SEMA3A: variants seen among roughly 807,000 people sequenced by gnomAD.
SEMA3A encodes the protein semaphorin 3A.
A neutral mutation model predicts 97.9 loss-of-function variants in SEMA3A; 29 were observed. The ratio of observed to expected loss-of-function variants is 0.30; its 90% CI spans 0.22 to 0.40. The LOEUF (loss-of-function observed/expected upper bound fraction) is 0.40. Ranked by LOEUF, SEMA3A falls within the 10% of genes least tolerant of loss-of-function variation. SEMA3A has a pLI of 1.00. For missense variants in SEMA3A, 763 were observed against 951.3 expected, an observed-to-expected ratio of 0.80 and a Z score of 2.60; for synonymous variants, 321 against 323.7, an observed-to-expected ratio of 0.99 and a Z score of 0.09.
At chr7:84,248,777 A>G (rs1038513333) in intron 3 of SEMA3A, among the ~76,000 whole-genome samples, 3 of 150,310 alleles carry the variant, frequency 2.0e-5, no homozygotes, top group Non-Finnish European at 4.4e-5. Context: ...AAAATTACGC[A>G]GTAAGTTTTA....
intron 2 of SEMA3A, among the ~76,000 whole-genome samples, chr7:84,318,731 C>G (rs1293905971): frequency 1.3e-5 from 2 of 152,120 alleles, no homozygotes; most frequent in African/African-American, 4.8e-5. Context: ...TTTTCAACAG[C>G]CACTCTTATC....
At chr7:84,443,742 C>G (rs1170284241) in intron 1 of SEMA3A, among the ~76,000 whole-genome samples, 1 of 152,168 alleles carries the variant, frequency 6.6e-6, no homozygotes, top group Non-Finnish European at 1.5e-5. Context: ...TACAGATGTT[C>G]TCTGGCCTTC....
intron 15 of SEMA3A, among the ~76,000 whole-genome samples, chr7:83,968,804 CTTTTTTTTTT>C (rs34837012): frequency 2.3e-5 from 2 of 86,984 alleles, no homozygotes; most frequent in African/African-American, 5.0e-5. Flanking sequence ...CTTTTCTTTC[CTTTTTTTTTT>C]TTTTTTTTTT....
intron 1 of SEMA3A, among the ~76,000 whole-genome samples, chr7:84,467,669 C>A (rs1359177105): frequency 6.6e-6 from 1 of 151,942 alleles, no homozygotes; most frequent in East Asian, 1.9e-4. Context: ...GTTTTCAATG[C>A]ATCCCAACAT....
intron 3 of SEMA3A, among the ~76,000 whole-genome samples, chr7:84,236,586 C>T (rs182514053): frequency 1.5e-4 from 23 of 152,204 alleles, no homozygotes; most frequent in African/African-American, 4.3e-4. Flanking sequence ...ATCTTTATCT[C>T]GCAAATACTC....
intron 3 of SEMA3A, among the ~76,000 whole-genome samples, chr7:84,203,990 A>G (rs1295798287): frequency 1.3e-5 from 2 of 152,166 alleles, no homozygotes; most frequent in African/African-American, 2.4e-5. Flanking sequence ...AAACATAGGA[A>G]ATTTCATTGT....
chr7:84,257,689 T>C (rs1799749767), intron 3 of SEMA3A, among the ~76,000 whole-genome samples: 1 of 152,160 alleles, frequency 6.6e-6, no homozygotes, highest in African/African-American at 2.4e-5. Context: ...TATGTGTGTA[T>C]TGGCTCTCTT....
intron 12 of SEMA3A, 106 bp from the exon 13 acceptor site, chr7:83,985,583 T>C: frequency 5.8e-6 from 5 of 859,558 alleles, no homozygotes; most frequent in South Asian, 4.5e-5. Flanking sequence ...GAAACTTCAG[T>C]GTCCACAAGA....
At chr7:84,273,829 C>T (rs969638496) in intron 3 of SEMA3A, among the ~76,000 whole-genome samples, 2 of 151,916 alleles carry the variant, frequency 1.3e-5, no homozygotes, top group Non-Finnish European at 2.9e-5. Flanking sequence ...AACAATCCTA[C>T]GTTTCTTTTA....
At chr7:83,973,864 A>AT (rs1789018535) in intron 15 of SEMA3A, among the ~76,000 whole-genome samples, 1 of 149,146 alleles carries the variant, frequency 6.7e-6, no homozygotes, top group Non-Finnish European at 1.5e-5. Context: ...GAAACCTAAC[A>AT]TGATGGTACA....
Position 84,152,255 on chromosome 7 carries a change from C to T in SEMA3A, c.113-17304G>A, listed in dbSNP as rs994964704. ...GACACATGCACACGTATGTTTATTG[C>T]GGCATTATTCACAATAGCAAAGACT... On this transcript the variant is annotated intron_variant, in intron 1 of 16. Coordinates refer to ENST00000265362, the MANE Select transcript of SEMA3A (RefSeq NM_006080.3). Among the ~76,000 whole-genome samples the T allele has an allele frequency of 4.1e-5, 6 of 147,420 alleles. No individual in the cohort carries two copies. The South Asian group carries it at 6.6e-4, about 16-fold the overall frequency.
intron 11 of SEMA3A, among the ~76,000 whole-genome samples, chr7:84,002,884 T>TA (rs1790518671): frequency 6.6e-6 from 1 of 152,134 alleles, no homozygotes; most frequent in South Asian, 2.1e-4. Flanking sequence ...TTGTCACTCT[T>TA]ACTCTAAGTT....
At chr7:84,184,194 T>A (rs1031374176) in intron 1 of SEMA3A, among the ~76,000 whole-genome samples, 30 of 152,070 alleles carry the variant, frequency 2.0e-4, no homozygotes, top group East Asian at 7.7e-4. Flanking sequence ...ACGTTTTTTT[T>A]AAAAAAATCA....
At chr7:84,436,004 T>C (rs1274539344) in intron 1 of SEMA3A, among the ~76,000 whole-genome samples, 1 of 151,988 alleles carries the variant, frequency 6.6e-6, no homozygotes, top group African/African-American at 2.4e-5. Flanking sequence ...TGGAACCAAA[T>C]AGGGAACTCA....
chr7:84,357,662 G>A (rs1037400041), intron 2 of SEMA3A, among the ~76,000 whole-genome samples: 1 of 151,868 alleles, frequency 6.6e-6, no homozygotes, highest in Admixed American at 6.6e-5. Context: ...GTAATGGGAT[G>A]GCTGGGTCAG....
rs1156646985 is a variant in SEMA3A at position 84,190,882 on chromosome 7, A to G, written c.112+3593T>C. ...AAGTTATTTTCTGAATTATAAAATC[A>G]TAAAATGAAGTTATATTTCCTATGT... On this transcript the variant is annotated intron_variant, in intron 1 of 16. Coordinates refer to ENST00000265362, the MANE Select transcript of SEMA3A (RefSeq NM_006080.3). Among the ~76,000 whole-genome samples the G allele has an allele frequency of 2.0e-5, 3 of 150,728 alleles. No homozygotes were observed. The East Asian group carries it at 5.8e-4, about 29-fold the overall frequency.
chr7:84,036,668 GAAATGA>G (rs1791951494), intron 6 of SEMA3A, among the ~76,000 whole-genome samples: 1 of 152,078 alleles, frequency 6.6e-6, no homozygotes, highest in African/African-American at 2.4e-5. Flanking sequence ...AACAGTAACT[GAAATGA>G]ATAGTTTAAT....
At chr7:84,295,697 T>C (rs1800852359) in intron 3 of SEMA3A, among the ~76,000 whole-genome samples, 1 of 152,086 alleles carries the variant, frequency 6.6e-6, no homozygotes, top group Admixed American at 6.6e-5. Flanking sequence ...TTTGTAACTA[T>C]GCCCTCTAAT....
At chr7:84,474,715 C>T (rs1806235228) in intron 1 of SEMA3A, among the ~76,000 whole-genome samples, 1 of 152,078 alleles carries the variant, frequency 6.6e-6, no homozygotes, top group African/African-American at 2.4e-5. Context: ...CGGTATTCTT[C>T]AATACACCCC....
Sources: allele counts gnomAD v4.1 joint callset (sites outside exome capture counted in the v4.1 genomes callset), GRCh38; gene constraint gnomAD v4.1.1; transcripts MANE v1.5; gene names NCBI Gene and HGNC (gene_info 2026-07-23, HGNC 2026-07-21).